Variants in PPP3CC observed in about 807,000 individuals in gnomAD.
PPP3CC encodes the protein serine/threonine-protein phosphatase 2B catalytic subunit gamma isoform.
In PPP3CC, 35 loss-of-function variants were observed where a neutral mutation model predicts 60.3. That is an observed-to-expected ratio of 0.58 (90% CI 0.44 to 0.77). PPP3CC has a LOEUF of 0.77. PPP3CC is among the 30% of genes least tolerant of loss of function. The probability of loss-of-function intolerance (pLI) is 0.00; values close to 1 mark genes in which losing one functional copy is unlikely to be tolerated. For missense variants in PPP3CC, 570 were observed against 628.9 expected (o/e 0.91, Z 1.00); for synonymous variants, 206 against 224.3 (o/e 0.92, Z 0.73).
intron 3 of PPP3CC, among the ~76,000 whole-genome samples, chr8:22,492,154 A>T (rs181458814): frequency 6.6e-6 from 1 of 152,238 alleles, no homozygotes; most frequent in Admixed American, 6.5e-5. Flanking sequence ...CCTGTACAGC[A>T]TGTTATTGTG....
intron 1 of PPP3CC, among the ~76,000 whole-genome samples, chr8:22,470,872 C>T (rs1837701279): frequency 6.6e-6 from 1 of 152,172 alleles, no homozygotes; most frequent in Non-Finnish European, 1.5e-5. Flanking sequence ...ACCCCATAAA[C>T]TTTCAGTCCC....
chr8:22,465,966 T>C (rs1213116235), intron 1 of PPP3CC, among the ~76,000 whole-genome samples: 1 of 152,124 alleles, frequency 6.6e-6, no homozygotes, highest in Non-Finnish European at 1.5e-5. Flanking sequence ...TAGGTATTTC[T>C]CCTAATGCTC....
chr8:22,524,648 A>G (rs1839492943), intron 8 of PPP3CC, among the ~76,000 whole-genome samples: 1 of 152,136 alleles, frequency 6.6e-6, no homozygotes, highest in Non-Finnish European at 1.5e-5. Context: ...TAGATCTCCT[A>G]TTTGTAATGA....
At chr8:22,458,912 C>A (rs1036231799) in intron 1 of PPP3CC, among the ~76,000 whole-genome samples, 8 of 152,124 alleles carry the variant, frequency 5.3e-5, no homozygotes, top group African/African-American at 1.9e-4. Flanking sequence ...CAATGAATTT[C>A]TTCAAAGTTT....
chr8:22,521,274 G>A (rs911553469), intron 6 of PPP3CC, among the ~76,000 whole-genome samples: 4 of 152,208 alleles, frequency 2.6e-5, no homozygotes, highest in African/African-American at 9.7e-5. Flanking sequence ...GAGCAGGGCT[G>A]GAGCCAGGTC....
At chr8:22,458,363 C>T (rs560590817) in intron 1 of PPP3CC, among the ~76,000 whole-genome samples, 4 of 151,824 alleles carry the variant, frequency 2.6e-5, no homozygotes, top group Non-Finnish European at 4.4e-5. Flanking sequence ...TTTGGGAGGC[C>T]GAGGCAGGCG....
At chr8:22,481,809 G>A (rs1027040666) in intron 3 of PPP3CC, among the ~76,000 whole-genome samples, 3 of 151,950 alleles carry the variant, frequency 2.0e-5, no homozygotes, top group Non-Finnish European at 4.4e-5. Flanking sequence ...TCCTGTGTTA[G>A]TTTGTTGAGA....
At chr8:22,453,340 C>CA (rs1837092199) in intron 1 of PPP3CC, among the ~76,000 whole-genome samples, 1 of 152,148 alleles carries the variant, frequency 6.6e-6, no homozygotes, top group Non-Finnish European at 1.5e-5. Context: ...TTTATATAGT[C>CA]ACGCTTACAT....
At chr8:22,474,130 A>C (rs1183759249) in intron 1 of PPP3CC, among the ~76,000 whole-genome samples, 1 of 150,618 alleles carries the variant, frequency 6.6e-6, no homozygotes, top group Non-Finnish European at 1.5e-5. Flanking sequence ...CCTGACCTCA[A>C]GTGATCTGCC....
At chr8:22,447,485 TTTTGGTATTTTTTATAGAGG>T (rs1380359445) in intron 1 of PPP3CC, among the ~76,000 whole-genome samples, 25 of 151,972 alleles carry the variant, frequency 1.6e-4, no homozygotes, top group African/African-American at 6.0e-4. Flanking sequence ...CCTGGCCTAA[TTTTGGTATTTTTTATAGAGG>T]TGGAGTTTCG....
chr8:22,447,418 G>A (rs1050734499), intron 1 of PPP3CC, among the ~76,000 whole-genome samples: 19 of 151,892 alleles, frequency 1.3e-4, no homozygotes, highest in Non-Finnish European at 2.6e-4. Flanking sequence ...TCCTGACCTC[G>A]TGATCCGCCC....
Position 22,513,353 on chromosome 8 carries a change from C to A in PPP3CC, c.691C>A (p.Pro231Thr). The A allele has an allele frequency of 6.2e-7, 1 of 1,613,808 alleles. No homozygotes were observed. ...TGTGTGTGACCTGCTTTGGTCTGAT[C>A]CCTCAGAGGATTATGGCAATGAGAA... ...GPVCDLLWSDPSEDYGNEKTL... is the reference protein window; with the variant it reads ...GPVCDLLWSDTSEDYGNEKTL... The change falls in exon 6 of 14, where the codon CCC becomes ACC. Residue 231 changes from proline to threonine, a missense_variant. By Grantham distance (38) the Pro-to-Thr change is conservative (BLOSUM62 -1). Transcript: ENST00000240139.
At chr8:22,523,042 A>G (rs1484081334) in intron 8 of PPP3CC, among the ~76,000 whole-genome samples, 2 of 152,186 alleles carry the variant, frequency 1.3e-5, no homozygotes, top group African/African-American at 4.8e-5. Context: ...CTCATGCCAG[A>G]ATAGTTAGCA....
rs1836650303 is a variant in PPP3CC at position 22,441,108 on chromosome 8, C to T, written c.-302C>T. The T allele has an allele frequency of 7.2e-6, 2 of 276,272 alleles. No individual in the cohort carries two copies. The highest frequency in any genetic ancestry group is 1.4e-5 in the Non-Finnish European group (2 of 148,102). 17.1% of individuals were successfully genotyped at this position (276,272 alleles called of 1,614,324 possible). A position where few individuals can be genotyped will look rare whatever the true frequency, so the allele number is the denominator to read the frequency against. ...CACGAGGGCCCGGGCCGCGAGCAGC[C>T]GCGGCCGTCCCGGTCGCCACCCTTA... On this transcript the variant is annotated 5_prime_UTR_variant, in exon 1 of 14. Transcript: ENST00000240139.
At chr8:22,452,528 C>T (rs1837066198) in intron 1 of PPP3CC, among the ~76,000 whole-genome samples, 1 of 151,952 alleles carries the variant, frequency 6.6e-6, no homozygotes, top group Non-Finnish European at 1.5e-5. Flanking sequence ...TGGAGTCTTG[C>T]TCTGTTAGCC....
chr8:22,540,843 G>T lies in PPP3CC; in HGVS notation c.*41G>T, dbSNP rs1466504723. ...TGGCTCAGGTGGATCTAAAACTCAAGAACAAATTCTATTTATTTATTATTG... is the reference window on the plus strand; with the variant it reads ...TGGCTCAGGTGGATCTAAAACTCAATAACAAATTCTATTTATTTATTATTG... On this transcript the variant is annotated 3_prime_UTR_variant, in exon 14 of 14. Coordinates refer to ENST00000240139, the MANE Select transcript of PPP3CC (RefSeq NM_005605.5). 2 of 1,447,702 alleles carry T rather than the reference G, an allele frequency of 1.4e-6. No individual in the cohort carries two copies. The highest frequency in any genetic ancestry group is 2.9e-5 in the African/African-American group (2 of 69,556). 89.7% of individuals were successfully genotyped at this position (1,447,702 alleles called of 1,614,324 possible). A position where few individuals can be genotyped will look rare whatever the true frequency, so the allele number is the denominator to read the frequency against.
intron 12 of PPP3CC, among the ~76,000 whole-genome samples, chr8:22,535,787 A>G (rs1839832202): frequency 6.6e-6 from 1 of 152,208 alleles, no homozygotes; most frequent in Non-Finnish European, 1.5e-5. Context: ...GCTGGAGTGC[A>G]GTGGCACGAT....
At chr8:22,530,546 G>T (rs1839680213) in intron 10 of PPP3CC, among the ~76,000 whole-genome samples, 1 of 148,200 alleles carries the variant, frequency 6.7e-6, no homozygotes, top group Non-Finnish European at 1.5e-5. Flanking sequence ...TAAAAAGGAA[G>T]AATGGGCCGG....
chr8:22,470,651 A>G (rs1837694449), intron 1 of PPP3CC, among the ~76,000 whole-genome samples: 1 of 152,246 alleles, frequency 6.6e-6, no homozygotes, highest in African/African-American at 2.4e-5. Context: ...CCCTTAAGCA[A>G]GTAGAAAGGT....
Sources: allele counts gnomAD v4.1 joint callset (sites outside exome capture counted in the v4.1 genomes callset), GRCh38; gene constraint gnomAD v4.1.1; transcripts MANE v1.5; gene names NCBI Gene and HGNC (gene_info 2026-07-23, HGNC 2026-07-21).